SFXN5: variants seen among roughly 807,000 people sequenced by gnomAD.
SFXN5 encodes sideroflexin-5.
Under a neutral mutation model 50.2 loss-of-function variants are expected in SFXN5, and 43 were observed. The ratio of observed to expected loss-of-function variants is 0.86; its 90% confidence interval spans 0.67 to 1.11. The LOEUF (loss-of-function observed/expected upper bound fraction) is 1.11. Among genes scored for constraint, SFXN5 ranks in the 50% least tolerant of loss-of-function variants. The pLI is 0.00. For missense variants in SFXN5, 463 were observed against 454.1 expected, an observed-to-expected ratio of 1.02 and a Z score of -0.18; for synonymous variants, 203 against 185.8, an observed-to-expected ratio of 1.09 and a Z score of -0.75.
At chr2:73,055,598 CTTTTTTT>C (rs570909541) in intron 2 of SFXN5, among the ~76,000 whole-genome samples, 21 of 133,930 alleles carry the variant, frequency 1.6e-4, no homozygotes, top group Admixed American at 1.1e-3. Context: ...TTTTCTTTTT[CTTTTTTT>C]TTTTTTTTTT....
chr2:73,048,154 A>G (rs1462171511), intron 2 of SFXN5, among the ~76,000 whole-genome samples: 1 of 152,206 alleles, frequency 6.6e-6, no homozygotes, highest in African/African-American at 2.4e-5. Flanking sequence ...TATCATGCAT[A>G]TGTGCATATG....
chr2:72,967,109 T>C (rs1040952189), intron 12 of SFXN5: 2 of 152,238 alleles, frequency 1.3e-5, no homozygotes, highest in African/African-American at 4.8e-5. Flanking sequence ...GTGGATGACA[T>C]AGCCTGTCTT....
chr2:73,001,253 A>G (rs1288908056), intron 7 of SFXN5, among the ~76,000 whole-genome samples: 1 of 152,244 alleles, frequency 6.6e-6, no homozygotes, highest in Non-Finnish European at 1.5e-5. Flanking sequence ...ACAAGCCAGC[A>G]TGTTCCAGGC....
chr2:72,957,636 G>A (rs973959340), intron 13 of SFXN5, among the ~76,000 whole-genome samples: 3 of 152,250 alleles, frequency 2.0e-5, no homozygotes, highest in African/African-American at 7.2e-5. Context: ...GACTTATTGT[G>A]GCAAATCCCA....
At chr2:73,043,189 T>C (rs1679874940) in intron 2 of SFXN5, among the ~76,000 whole-genome samples, 2 of 152,232 alleles carry the variant, frequency 1.3e-5, no homozygotes, top group African/African-American at 4.8e-5. Flanking sequence ...AAGCCCAGCA[T>C]GGGGGAAGAA....
intron 9 of SFXN5, among the ~76,000 whole-genome samples, chr2:72,989,147 C>G (rs975781553): frequency 3.3e-5 from 5 of 152,216 alleles, no homozygotes; most frequent in Admixed American, 2.0e-4. Flanking sequence ...CCCCTCTCCC[C>G]CAAAAACCCA....
intron 6 of SFXN5, among the ~76,000 whole-genome samples, chr2:73,006,930 A>G (rs1674755278): frequency 6.6e-6 from 1 of 152,232 alleles, no homozygotes. Context: ...GCCTAGTCTC[A>G]AGACAGAGTA....
At chr2:73,017,545 T>G (rs188251312) in intron 6 of SFXN5, among the ~76,000 whole-genome samples, 16 of 152,312 alleles carry the variant, frequency 1.1e-4, no homozygotes, top group African/African-American at 3.6e-4. Context: ...AAAGAAATCT[T>G]GGGCTTTAGT....
intron 13 of SFXN5, among the ~76,000 whole-genome samples, chr2:72,951,253 C>G (rs1672500251): frequency 1.3e-5 from 2 of 152,152 alleles, no homozygotes; most frequent in South Asian, 2.1e-4. Context: ...TCGGGATGTG[C>G]CCCTCTCCGT....
At chr2:72,996,306 T>C (rs1400116708) in intron 9 of SFXN5, among the ~76,000 whole-genome samples, 7 of 152,090 alleles carry the variant, frequency 4.6e-5, no homozygotes, top group Non-Finnish European at 8.8e-5. Context: ...CCCCAGCCCC[T>C]GCCCAGCAAG....
At chr2:73,065,215 C>G (rs181508259) in intron 1 of SFXN5, among the ~76,000 whole-genome samples, 2 of 152,162 alleles carry the variant, frequency 1.3e-5, no homozygotes, top group African/African-American at 4.8e-5. Context: ...ATCCTCCTGC[C>G]CCAGCCTCCC....
intron 9 of SFXN5, among the ~76,000 whole-genome samples, chr2:72,993,345 GC>G (rs1001832864): frequency 1.8e-4 from 27 of 152,190 alleles, no homozygotes; most frequent in African/African-American, 5.8e-4. Context: ...ACCCCAGCCA[GC>G]CTGCCGCTTG....
rs139661194 is a variant in SFXN5, at chr2:72,969,943, G to A, written c.742-1410C>T. Among the ~76,000 whole-genome samples, 233 of 152,228 alleles carry A rather than the reference G, an allele frequency of 1.5e-3. 1 individual carries two copies. Among genetic ancestry groups the A allele is most frequent in the African/African-American group, 5.2e-3 (216 of 41,546 alleles). On this transcript the variant is annotated intron_variant, in intron 11 of 13. Transcript: ENST00000272433. ...TCAGTGGCAATTCTGAGCTCCGACA[G>A]CCACTGTGGTAAGTTCCTTTAGCCC...
rs748673802 is a variant in SFXN5, at chr2:73,013,821, A to C, written c.357+6418T>G. ...GTTTTTAAAAGATGAAACACTATAA[A>C]TACAAATGAAGCACCCCCTGTTCTC... On this transcript the variant is annotated intron_variant, in intron 6 of 13. Coordinates refer to ENST00000272433, the MANE Select transcript of SFXN5 (RefSeq NM_144579.3). 2.2e-4 allele frequency among the ~76,000 whole-genome samples: 33 copies of C among 152,120 alleles called. No individual in the cohort carries two copies. The South Asian group carries it at 3.5e-3, about 16-fold the overall frequency.
At chr2:73,009,531 T>C (rs1380083359) in intron 6 of SFXN5, among the ~76,000 whole-genome samples, 1 of 152,222 alleles carries the variant, frequency 6.6e-6, no homozygotes, top group Non-Finnish European at 1.5e-5. Context: ...GAAGTGGGGA[T>C]AGGTGAGCAT....
At chr2:73,027,869 C>A (rs113561950) in intron 3 of SFXN5, among the ~76,000 whole-genome samples, 1 of 151,884 alleles carries the variant, frequency 6.6e-6, no homozygotes, top group Non-Finnish European at 1.5e-5. Flanking sequence ...CCTATGTTGC[C>A]CAGGCTGGTC....
chr2:72,972,487 C>T (rs746555411), intron 10 of SFXN5, among the ~76,000 whole-genome samples: 18 of 152,214 alleles, frequency 1.2e-4, no homozygotes, highest in East Asian at 5.8e-4. Context: ...GGAGGGTTCC[C>T]GGCTCCTTAG....
At chr2:73,056,877 ATAAAGT>A (rs1378556767) in intron 2 of SFXN5, among the ~76,000 whole-genome samples, 2 of 152,244 alleles carry the variant, frequency 1.3e-5, no homozygotes, top group African/African-American at 2.4e-5. Context: ...GCAGTTTCTG[ATAAAGT>A]TAAACATATA....
chr2:73,062,452 T>C (rs1175243520), intron 1 of SFXN5, among the ~76,000 whole-genome samples: 1 of 152,148 alleles, frequency 6.6e-6, no homozygotes, highest in Non-Finnish European at 1.5e-5. Flanking sequence ...ATGGCCTGAG[T>C]GAAGCAACTT....
Sources: allele counts gnomAD v4.1 joint callset (sites outside exome capture counted in the v4.1 genomes callset), GRCh38; gene constraint gnomAD v4.1.1; transcripts MANE v1.5; gene names NCBI Gene and HGNC (gene_info 2026-07-23, HGNC 2026-07-21).